The following DNAJB1 variants were observed in gnomAD, a reference collection of about 807,000 sequenced individuals.
DNAJB1 encodes the protein DnaJ heat shock protein family (Hsp40) member B1, also known as dnaJ homolog subfamily B member 1.
In DNAJB1, 14 loss-of-function variants were observed where a neutral mutation model predicts 24.0. The ratio of observed to expected loss-of-function variants is 0.58; its 90% CI spans 0.39 to 0.91. The LOEUF is 0.91. Among genes scored for constraint, DNAJB1 ranks in the 40% least tolerant of loss-of-function variants. The pLI is 0.00. For missense variants in DNAJB1, 517 were observed against 458.1 expected (o/e 1.13, Z -1.17); for synonymous variants, 262 against 174.4 (o/e 1.50, Z -3.96).
intron 1 of DNAJB1, among the ~76,000 whole-genome samples, chr19:14,537,197 A>C (rs1034840900): frequency 1.3e-5 from 1 of 76,394 alleles, no homozygotes; most frequent in East Asian, 5.1e-4. Flanking sequence ...GCCGAGGGGG[A>C]GGAGGTGGGG....
chr19:14,522,703 C>G (rs956315133), upstream of DNAJB1, among the ~76,000 whole-genome samples: 10 of 151,292 alleles, frequency 6.6e-5, no homozygotes, highest in South Asian at 8.3e-4. Flanking sequence ...CACACACACA[C>G]ACACACACAC....
chr19:14,555,241 C>T (rs907170070), upstream of DNAJB1, among the ~76,000 whole-genome samples: 2 of 151,392 alleles, frequency 1.3e-5, no homozygotes, highest in Non-Finnish European at 2.9e-5. Context: ...TCACCACACC[C>T]AGCTAATTTT....
chr19:14,540,530 T>C (rs2073063470), intron 1 of DNAJB1, among the ~76,000 whole-genome samples: 1 of 152,144 alleles, frequency 6.6e-6, no homozygotes, highest in Non-Finnish European at 1.5e-5. Flanking sequence ...TAGCTGGGAT[T>C]ACTGGTGCCC....
At chr19:14,545,082 C>T (rs941095000) in intron 1 of DNAJB1, 1 of 456,626 alleles carries the variant, frequency 2.2e-6, no homozygotes, top group Non-Finnish European at 4.4e-6. Flanking sequence ...TCTGAAGCCA[C>T]ATTTGCTCCC....
chr19:14,518,968 C>T (rs1389067972), upstream of DNAJB1, among the ~76,000 whole-genome samples: 1 of 152,248 alleles, frequency 6.6e-6, no homozygotes, highest in African/African-American at 2.4e-5. Flanking sequence ...CGCGGAGCCT[C>T]ATGCCTGTAA....
intron 2 of DNAJB1, among the ~76,000 whole-genome samples, chr19:14,526,990 G>A (rs148130139): frequency 6.6e-6 from 1 of 151,826 alleles, no homozygotes; most frequent in African/African-American, 2.4e-5. Context: ...GATCACTTGA[G>A]GCCAGGAGTT....
At chr19:14,529,361 G>A (rs1419840278), upstream of DNAJB1, 3 of 502,118 alleles carry the variant, frequency 6.0e-6, no homozygotes, top group Non-Finnish European at 1.1e-5. Context: ...GGACGCGCGG[G>A]GCAGAGACCT....
chr19:14,550,800 C>T (rs1345246385), upstream of DNAJB1, among the ~76,000 whole-genome samples: 2 of 151,792 alleles, frequency 1.3e-5, no homozygotes, highest in Non-Finnish European at 2.9e-5. Context: ...CCTGTCTCAG[C>T]CTCCCCCGTA....
At chr19:14,535,756 C>CAAATA (rs2072876362) in intron 1 of DNAJB1, among the ~76,000 whole-genome samples, 1 of 51,944 alleles carries the variant, frequency 1.9e-5, no homozygotes, top group Non-Finnish European at 3.3e-5. Context: ...GACTCTGTCT[C>CAAATA]AAAAAAAAAA....
intron 1 of DNAJB1, among the ~76,000 whole-genome samples, chr19:14,548,648 A>G (rs8112305): frequency 0.77 from 117,344 of 151,940 alleles, 46,207 homozygotes; most frequent in African/African-American, 0.91. Context: ...TGCGATCTCG[A>G]CTCACTGCAA....
chr19:14,535,543 A>AATATATATATATAT (rs747348455), intron 1 of DNAJB1, among the ~76,000 whole-genome samples: 2 of 32,708 alleles, frequency 6.1e-5, no homozygotes, highest in Non-Finnish European at 9.3e-5. Flanking sequence ...AAAAAAAAAA[A>AATATATATATATAT]ATATATATAT....
At chr19:14,556,202 G>A (rs2146614426) in intron 1 of DNAJB1, among the ~76,000 whole-genome samples, 1 of 152,266 alleles carries the variant, frequency 6.6e-6, no homozygotes, top group South Asian at 2.1e-4. Flanking sequence ...AGCCACGCTA[G>A]GTATGGTCCA....
chr19:14,541,418 C>T (rs530338914), intron 1 of DNAJB1, among the ~76,000 whole-genome samples: 13 of 152,354 alleles, frequency 8.5e-5, no homozygotes, highest in East Asian at 1.9e-4. Flanking sequence ...GGGCACTCAC[C>T]GCACAGGTTG....
chr19:14,539,368 G>T (rs578110432), intron 1 of DNAJB1, among the ~76,000 whole-genome samples: 1 of 151,936 alleles, frequency 6.6e-6, no homozygotes, highest in South Asian at 2.1e-4. Flanking sequence ...ACCACACTCA[G>T]AGCCCACTTT....
chr19:14,519,847 T>C (rs993575570), upstream of DNAJB1, among the ~76,000 whole-genome samples: 10 of 152,176 alleles, frequency 6.6e-5, no homozygotes, highest in Non-Finnish European at 4.4e-5. Flanking sequence ...CGTTTGGCTC[T>C]GAAAGTCTGG....
At chr19:14,554,816 G>C (rs1050478153), upstream of DNAJB1, among the ~76,000 whole-genome samples, 10 of 151,592 alleles carry the variant, frequency 6.6e-5, no homozygotes, top group African/African-American at 2.4e-4. Flanking sequence ...GTTTCACTCT[G>C]TCACCAGGTT....
intron 1 of DNAJB1, among the ~76,000 whole-genome samples, chr19:14,549,315 C>G (rs900877369): frequency 3.3e-5 from 5 of 149,856 alleles, no homozygotes; most frequent in African/African-American, 1.2e-4. Flanking sequence ...CGGGTTCAAG[C>G]AGTTCTCCTG....
rs1230341388 is a variant in DNAJB1 at position 14,518,170 on chromosome 19, C to T, written c.180G>A (p.Lys60=). ...EAYDVLSDPR[K]REIFDRYGEE... ...CCCCGTAGCGGTCGAAGATCTCGCG[C>T]TTGCGCGGGTCGCTGAGCACGTCGT... Residue 60 remains lysine, a synonymous_variant, in exon 1 of 3, where the codon AAG becomes AAA. Transcript: ENST00000254322. 6.3e-6 allele frequency: 10 copies of T among 1,587,944 alleles called. No individual in the cohort carries two copies. Among genetic ancestry groups the T allele is most frequent in the Non-Finnish European group, 7.7e-6 (9 of 1,168,176 alleles).
chr19:14,528,747 C>G (rs1439229488), intron 1 of DNAJB1, among the ~76,000 whole-genome samples: 2 of 151,740 alleles, frequency 1.3e-5, no homozygotes, highest in South Asian at 2.1e-4. Context: ...CAAGACCAGC[C>G]TGGCCAACCA....
Sources: allele counts gnomAD v4.1 joint callset (sites outside exome capture counted in the v4.1 genomes callset), GRCh38; gene constraint gnomAD v4.1.1; transcripts MANE v1.5; gene names NCBI Gene and HGNC (gene_info 2026-07-23, HGNC 2026-07-21).